USP54: variants seen among roughly 807,000 people sequenced by gnomAD.
The protein encoded by USP54 is ubiquitin specific peptidase 54.
Under a neutral mutation model 170.5 loss-of-function variants are expected in USP54, and 87 were observed. The ratio of observed to expected loss-of-function variants is 0.51; its 90% CI spans 0.43 to 0.61. USP54 has a LOEUF of 0.61. Ranked by LOEUF, USP54 falls within the 20% of genes least tolerant of loss-of-function variation. The pLI, the probability that USP54 is intolerant of heterozygous loss-of-function variation, is 0.00. For synonymous variants in USP54, 655 were observed against 742.8 expected (o/e 0.88, Z 1.92); for missense variants, 1,786 against 2,047.8 (o/e 0.87, Z 2.47).
At chr10:73,602,528 G>A (rs904030623) in intron 1 of USP54, among the ~76,000 whole-genome samples, 1 of 149,238 alleles carries the variant, frequency 6.7e-6, no homozygotes, top group African/African-American at 2.5e-5. Flanking sequence ...ACTCCAGCCT[G>A]GGTAACAGAG....
chr10:73,541,057 G>A (rs191663223), intron 9 of USP54, among the ~76,000 whole-genome samples: 8 of 152,062 alleles, frequency 5.3e-5, no homozygotes, highest in Admixed American at 1.3e-4. Context: ...CTTTATACTC[G>A]TATAAACTAA....
chr10:73,592,932 C>A (rs1432873553), upstream of USP54, among the ~76,000 whole-genome samples: 1 of 152,210 alleles, frequency 6.6e-6, no homozygotes, highest in Non-Finnish European at 1.5e-5. Context: ...ATTTCTTATT[C>A]CCTCTTCAAG....
intron 1 of USP54, among the ~76,000 whole-genome samples, chr10:73,618,885 T>C (rs2080863636): frequency 6.7e-6 from 1 of 150,088 alleles, no homozygotes; most frequent in Non-Finnish European, 1.5e-5. Context: ...CACTCTAGCC[T>C]GGGCAACAGA....
chr10:73,529,642 G>A, intron 15 of USP54, 38 bp downstream of exon 15: 1 of 1,610,214 alleles, frequency 6.2e-7, no homozygotes, highest in Non-Finnish European at 8.5e-7. Flanking sequence ...TCACATTGCT[G>A]CAAGAGACAA....
chr10:73,511,765 A>G (rs2060253891), intron 20 of USP54, among the ~76,000 whole-genome samples: 1 of 149,658 alleles, frequency 6.7e-6, no homozygotes, highest in Admixed American at 6.6e-5. Flanking sequence ...TTTTTTTGAG[A>G]CAGTTTCACT....
At chr10:73,505,177 A>T in intron 21 of USP54, 131 bp downstream of exon 21, 1 of 1,231,784 alleles carries the variant, frequency 8.1e-7, no homozygotes, top group South Asian at 1.4e-5. Context: ...GCCCAATCAT[A>T]GACCTTATTT....
rs886862593 is a variant in USP54, at chr10:73,511,993, G to C, written c.4051+4382C>G. Among the ~76,000 whole-genome samples, 4 of 152,058 alleles carry C rather than the reference G, an allele frequency of 2.6e-5. No homozygotes were observed. In the East Asian group the frequency reaches 7.8e-4, roughly 30 times the overall value. On this transcript the variant is annotated intron_variant, in intron 20 of 23. Coordinates refer to ENST00000687698, the MANE Select transcript of USP54 (RefSeq NM_001391956.1). ...ACTCCTGACCTCAGGTGATCCACCCGACTCAGCCTCCCAAAGTGCTGGGAT... is the reference window on the plus strand; with the variant it reads ...ACTCCTGACCTCAGGTGATCCACCCCACTCAGCCTCCCAAAGTGCTGGGAT...
chr10:73,584,673 TTATAAATAATC>T (rs1483361617), intron 1 of USP54, among the ~76,000 whole-genome samples: 1 of 152,170 alleles, frequency 6.6e-6, no homozygotes, highest in African/African-American at 2.4e-5. Flanking sequence ...TAACTATAAT[TTATAAATAATC>T]TATAAACTAT....
intron 11 of USP54, among the ~76,000 whole-genome samples, chr10:73,535,127 A>G (rs1028482235): frequency 3.3e-4 from 51 of 152,240 alleles, no homozygotes; most frequent in African/African-American, 1.2e-3. Context: ...CCTGTCATAC[A>G]TAGTCAGTTG....
chr10:73,574,724 C>T (rs2075834042), intron 3 of USP54, among the ~76,000 whole-genome samples: 1 of 151,782 alleles, frequency 6.6e-6, no homozygotes, highest in Non-Finnish European at 1.5e-5. Context: ...TTGCAGTGAG[C>T]CGAGATCGCT....
At chr10:73,532,273 C>G (rs571686584) in intron 12 of USP54, among the ~76,000 whole-genome samples, 3 of 152,034 alleles carry the variant, frequency 2.0e-5, no homozygotes, top group African/African-American at 7.2e-5. Flanking sequence ...TCCGGGTTCA[C>G]GCCATTCTCC....
At chr10:73,534,067 G>A (rs1448461881) in intron 12 of USP54, among the ~76,000 whole-genome samples, 2 of 152,198 alleles carry the variant, frequency 1.3e-5, no homozygotes, top group African/African-American at 4.8e-5. Flanking sequence ...TTGACATGCT[G>A]CTATTGACAG....
intron 1 of USP54, chr10:73,615,252 A>C (rs968023293): frequency 2.7e-5 from 4 of 150,328 alleles, no homozygotes; most frequent in African/African-American, 1.0e-4. Context: ...GAGTATACTC[A>C]GGAGGCTGAG....
At chr10:73,506,525 T>C (rs969090937) in intron 20 of USP54, 8 of 152,172 alleles carry the variant, frequency 5.3e-5, no homozygotes, top group African/African-American at 1.9e-4. Context: ...ATTTGATGAT[T>C]TGATTCTAAT....
rs142460212 is a variant in USP54 at position 73,619,669 on chromosome 10, C to T, written c.-18+5898G>A. 2.1e-3 allele frequency among the ~76,000 whole-genome samples: 309 copies of T among 150,600 alleles called. 30 individuals carry two copies. Among genetic ancestry groups the T allele is most frequent in the African/African-American group, 7.4e-3 (298 of 40,008 alleles). On this transcript the variant is annotated intron_variant, in intron 1 of 22. Transcript: ENST00000339859. ...TCCACTTTTTTCTAAATCAGAGAAG[C>T]GTTTATTAAATGGCCCAGCAGTGCA...
At chr10:73,566,709 C>T (rs947375900) in intron 4 of USP54, among the ~76,000 whole-genome samples, 3 of 151,138 alleles carry the variant, frequency 2.0e-5, no homozygotes, top group Non-Finnish European at 2.9e-5. Context: ...CCAGCCTGGG[C>T]GACACAGTGA....
rs1456442743 is a variant in USP54, at chr10:73,530,200, T to G, written c.1771A>C (p.Lys591Gln). The G allele has an allele frequency of 6.2e-6, 10 of 1,613,924 alleles. No homozygotes were observed. The Admixed American group carries it at 8.3e-5, about 13-fold the overall frequency. ...ESLNIDSIFS[K>Q]DKRKHCGYTQ... is the part of the protein sequence containing the mutation. The stretch of plus-strand genomic sequence containing the variant: ...TAGCCACAGTGCTTCCTTTTGTCCT[T>G]ACTAAAGATACTGTCAATATTCAGA... The change falls in exon 14 of 24, where the codon AAG becomes CAG. Residue 591 changes from lysine to glutamine, a missense_variant. By Grantham distance (53) the Lys-to-Gln change is moderately conservative (BLOSUM62 1). Transcript: ENST00000687698.
At chr10:73,603,056 C>G (rs2079326832) in intron 1 of USP54, among the ~76,000 whole-genome samples, 1 of 151,962 alleles carries the variant, frequency 6.6e-6, no homozygotes, top group African/African-American at 2.4e-5. Flanking sequence ...CCCTAATTAG[C>G]CTTCCCCAGG....
At position 73,539,545 on chromosome 10, in the gene USP54, A is replaced by G; in HGVS notation, c.874T>C (p.Leu292=). ...DDRAKQSELY[L]VGMICYYGKH... The stretch of plus-strand genomic sequence containing the variant: ...CCATAGTAACAGATCATTCCAACTA[A>G]GTACAGTTCAGATTGCTTGGCCCGG... The change falls in exon 10 of 24, where the codon TTA becomes CTA. Residue 292 remains leucine (L), a synonymous_variant. Transcript: ENST00000687698. The G allele has an allele frequency of 1.2e-6, 2 of 1,611,970 alleles. No homozygotes were observed. The highest frequency in any genetic ancestry group is 1.7e-6 in the Non-Finnish European group (2 of 1,178,556).
Sources: gnomAD v4.1 joint callset for allele counts (sites outside exome capture counted in the v4.1 genomes callset) on GRCh38, gnomAD v4.1.1 for gene constraint, MANE v1.5 for transcripts, NCBI Gene and HGNC (gene_info 2026-07-23, HGNC 2026-07-21) for gene names.